Variants in GRID1 observed in about 807,000 individuals in gnomAD.
GRID1 encodes the protein glutamate ionotropic receptor delta type subunit 1, also known as glutamate receptor ionotropic, delta-1.
In GRID1, 28 loss-of-function variants were observed where a neutral mutation model predicts 98.0. The ratio of observed to expected loss-of-function variants is 0.29; its 90% CI spans 0.21 to 0.39. The LOEUF (loss-of-function observed/expected upper bound fraction) is 0.39, where lower values mean the gene tolerates loss of function less well. GRID1 is among the 10% of genes least tolerant of loss of function. The pLI is 1.00. For synonymous variants in GRID1, 553 were observed against 538.5 expected (o/e 1.03, Z -0.37); for missense variants, 1,111 against 1,340.5 (o/e 0.83, Z 2.67).
chr10:85,896,631 TAA>T (rs1282060070), intron 5 of GRID1, among the ~76,000 whole-genome samples: 29 of 152,336 alleles, frequency 1.9e-4, no homozygotes, highest in Admixed American at 1.4e-3. Context: ...CAAGAAATAT[TAA>T]AAGTGTTTGA....
In GRID1 at chr10:85,795,924, A is replaced by G. The variant is rs552940384; in HGVS notation, c.1233+58572T>C. Among the ~76,000 whole-genome samples the G allele has an allele frequency of 2.0e-5, 3 of 152,354 alleles. No homozygotes were observed. In the South Asian group the frequency reaches 6.2e-4, roughly 32 times the overall value. Reference sequence around the variant, plus strand: ...AGGAAGAAAACAGACTGAGATGGAGAGTCACAGGAAGAGACAGAAAAAATG... The same window carrying G: ...AGGAAGAAAACAGACTGAGATGGAGGGTCACAGGAAGAGACAGAAAAAATG... On this transcript the variant is annotated intron_variant, in intron 8 of 15. Coordinates refer to ENST00000327946, the MANE Select transcript of GRID1 (RefSeq NM_017551.3).
At chr10:86,304,830 T>C (rs907716571) in intron 2 of GRID1, among the ~76,000 whole-genome samples, 3 of 152,164 alleles carry the variant, frequency 2.0e-5, no homozygotes, top group Non-Finnish European at 4.4e-5. Context: ...ACGCTTTCCA[T>C]GGTCAAGGTG....
At chr10:85,873,053 C>A (rs185455349) in intron 5 of GRID1, among the ~76,000 whole-genome samples, 1 of 152,296 alleles carries the variant, frequency 6.6e-6, no homozygotes, top group African/African-American at 2.4e-5. Flanking sequence ...TCATGCCAGG[C>A]CCTGCTCTTG....
intron 2 of GRID1, among the ~76,000 whole-genome samples, chr10:86,327,107 G>A (rs1848061737): frequency 6.6e-6 from 1 of 152,200 alleles, no homozygotes; most frequent in South Asian, 2.1e-4. Flanking sequence ...CTGCATTCCA[G>A]CCTGGGCGAC....
intron 4 of GRID1, among the ~76,000 whole-genome samples, chr10:85,993,322 T>C (rs1171300659): frequency 2.6e-5 from 4 of 152,156 alleles, no homozygotes; most frequent in African/African-American, 4.8e-5. Context: ...AGATGTGTAG[T>C]GGGGAGCAGG....
chr10:86,080,027 G>A (rs533917846), intron 4 of GRID1, among the ~76,000 whole-genome samples: 41 of 152,234 alleles, frequency 2.7e-4, no homozygotes, highest in Admixed American at 5.9e-4. Flanking sequence ...CACCATGGCC[G>A]AAGGCTGTTA....
intron 2 of GRID1, among the ~76,000 whole-genome samples, chr10:86,311,721 C>T (rs760087337): frequency 7.9e-5 from 12 of 152,222 alleles, no homozygotes; most frequent in Non-Finnish European, 1.3e-4. Context: ...GCAGTTTAGG[C>T]ATGGTGGCTC....
chr10:85,719,471 G>T (rs1841675942), intron 12 of GRID1, among the ~76,000 whole-genome samples: 1 of 152,220 alleles, frequency 6.6e-6, no homozygotes, highest in Non-Finnish European at 1.5e-5. Flanking sequence ...ACATGGATGG[G>T]GAAGCCTCAG....
intron 3 of GRID1, among the ~76,000 whole-genome samples, chr10:86,198,064 C>T (rs1167960837): frequency 1.3e-5 from 2 of 152,036 alleles, no homozygotes; most frequent in Admixed American, 6.5e-5. Context: ...TGCCAGGGGC[C>T]GCAAAGGAGA....
At chr10:85,624,205 C>A (rs1016403505) in intron 13 of GRID1, among the ~76,000 whole-genome samples, 4 of 152,168 alleles carry the variant, frequency 2.6e-5, no homozygotes, top group Non-Finnish European at 5.9e-5. Context: ...AAAAGGGATG[C>A]CACTGATTTG....
intron 8 of GRID1, among the ~76,000 whole-genome samples, chr10:85,808,490 G>C (rs2131742896): frequency 6.6e-6 from 1 of 152,288 alleles, no homozygotes; most frequent in South Asian, 2.1e-4. Flanking sequence ...TAGGAAAATG[G>C]AGAAATTAGC....
chr10:85,868,924 A>G lies in GRID1; in HGVS notation c.951+86T>C, dbSNP rs530914330. On this transcript the variant is annotated intron_variant, in intron 6 of 15. Coordinates refer to ENST00000327946, the MANE Select transcript of GRID1 (RefSeq NM_017551.3). ...TCTAGTAATTGAAGTTGGTGGCAAT[A>G]GGAGGCCCCCACATGTCTCCCTTGG... The G allele has an allele frequency of 6.4e-6, 7 of 1,100,300 alleles. No individual in the cohort carries two copies. In the South Asian group the frequency reaches 8.0e-5, roughly 12 times the overall value. 68.2% of individuals were successfully genotyped at this position (1,100,300 alleles called of 1,614,324 possible).
chr10:85,757,834 A>G (rs891255119), intron 8 of GRID1, among the ~76,000 whole-genome samples: 1 of 152,248 alleles, frequency 6.6e-6, no homozygotes, highest in East Asian at 1.9e-4. Flanking sequence ...TGATAAGCCA[A>G]CTAAAAAGGG....
chr10:85,658,200 T>C (rs1322706157), intron 12 of GRID1, among the ~76,000 whole-genome samples: 1 of 152,136 alleles, frequency 6.6e-6, no homozygotes, highest in Non-Finnish European at 1.5e-5. Flanking sequence ...CCTGCTAATA[T>C]TAGTTTTCAC....
chr10:85,605,801 T>C (rs1437546380), intron 15 of GRID1: 1 of 151,936 alleles, frequency 6.6e-6, no homozygotes, highest in Non-Finnish European at 1.5e-5. Flanking sequence ...CACAGGGAGG[T>C]AGGAGGTTGG....
At chr10:86,302,571 AC>A (rs1223196572) in intron 2 of GRID1, among the ~76,000 whole-genome samples, 1 of 151,620 alleles carries the variant, frequency 6.6e-6, no homozygotes, top group Admixed American at 6.6e-5. Context: ...AACACACAGC[AC>A]CCCCAATCCT....
chr10:85,618,917 G>A (rs139659132), intron 14 of GRID1, among the ~76,000 whole-genome samples: 27 of 152,318 alleles, frequency 1.8e-4, no homozygotes, highest in African/African-American at 5.5e-4. Context: ...GGACTCTCAC[G>A]TCTCCAAATA....
intron 4 of GRID1, among the ~76,000 whole-genome samples, chr10:86,124,738 C>T (rs1189254518): frequency 6.6e-6 from 1 of 152,188 alleles, no homozygotes; most frequent in Non-Finnish European, 1.5e-5. Flanking sequence ...GAGCCTAGTC[C>T]ATATTCACTG....
At chr10:86,330,111 G>A (rs1204031166) in intron 2 of GRID1, among the ~76,000 whole-genome samples, 3 of 151,974 alleles carry the variant, frequency 2.0e-5, no homozygotes, top group Non-Finnish European at 2.9e-5. Context: ...GGACGAGACC[G>A]TGACTCCCCC....
Sources: gnomAD v4.1 joint callset for allele counts (sites outside exome capture counted in the v4.1 genomes callset) on GRCh38, gnomAD v4.1.1 for gene constraint, MANE v1.5 for transcripts, NCBI Gene and HGNC (gene_info 2026-07-23, HGNC 2026-07-21) for gene names.